The following RFTN1 variants were observed in gnomAD, a reference collection of about 807,000 sequenced individuals.
RFTN1 encodes the protein raftlin.
In RFTN1, 26 loss-of-function variants were observed where a neutral mutation model predicts 46.5. The ratio of observed to expected loss-of-function variants is 0.56; its 90% confidence interval spans 0.41 to 0.78. The LOEUF (loss-of-function observed/expected upper bound fraction) is 0.78. Ranked by LOEUF, RFTN1 falls within the 30% of genes least tolerant of loss-of-function variation. The probability of loss-of-function intolerance (pLI) is 0.00; values close to 1 mark genes in which losing one functional copy is unlikely to be tolerated. For missense variants in RFTN1, 693 were observed against 718.7 expected, an observed-to-expected ratio of 0.96 and a Z score of 0.41; for synonymous variants, 261 against 284.2, an observed-to-expected ratio of 0.92 and a Z score of 0.82.
intron 2 of RFTN1, among the ~76,000 whole-genome samples, chr3:16,435,922 AT>A (rs1250716471): frequency 2.3e-5 from 2 of 88,050 alleles, no homozygotes; most frequent in African/African-American, 8.5e-5. Flanking sequence ...ATGTAAATAT[AT>A]ATATATATAT....
intron 7 of RFTN1, among the ~76,000 whole-genome samples, chr3:16,330,248 C>G (rs1053471605): frequency 6.6e-6 from 1 of 152,208 alleles, no homozygotes; most frequent in Non-Finnish European, 1.5e-5. Flanking sequence ...ATGTTGCACT[C>G]TGCCAGACTC....
At chr3:16,444,155 G>A (rs1326421520) in intron 2 of RFTN1, among the ~76,000 whole-genome samples, 1 of 152,198 alleles carries the variant, frequency 6.6e-6, no homozygotes, top group Non-Finnish European at 1.5e-5. Context: ...AGCTTTTTGT[G>A]AGTCAGAAGA....
intron 2 of RFTN1, among the ~76,000 whole-genome samples, chr3:16,493,517 A>G (rs1403234613): frequency 6.6e-6 from 1 of 152,100 alleles, no homozygotes; most frequent in Non-Finnish European, 1.5e-5. Context: ...ACAGGCGTGA[A>G]CCACTGTGCC....
At chr3:16,482,686 C>A (rs2076387120) in intron 2 of RFTN1, 2 of 1,261,556 alleles carry the variant, frequency 1.6e-6, no homozygotes, top group Non-Finnish European at 2.2e-6. Context: ...CACTGAGCAC[C>A]ATGCATGCCA....
At chr3:16,510,671 G>T (rs2076882560) in intron 1 of RFTN1, among the ~76,000 whole-genome samples, 1 of 152,164 alleles carries the variant, frequency 6.6e-6, no homozygotes, top group African/African-American at 2.4e-5. Flanking sequence ...ATTCTTTGCT[G>T]GTGAGACTGT....
intron 3 of RFTN1, among the ~76,000 whole-genome samples, chr3:16,409,994 ATTT>A (rs11317679): frequency 9.5e-5 from 14 of 147,358 alleles, no homozygotes; most frequent in South Asian, 4.3e-4. Context: ...GACGCAGAAT[ATTT>A]TTTTTTTTTT....
intron 7 of RFTN1, among the ~76,000 whole-genome samples, chr3:16,354,425 G>A (rs569487736): frequency 1.1e-4 from 16 of 152,328 alleles, no homozygotes; most frequent in East Asian, 1.9e-4. Context: ...GCCTGACTGC[G>A]TGGAGCAGAA....
intron 3 of RFTN1, among the ~76,000 whole-genome samples, chr3:16,420,144 G>A (rs2075157521): frequency 6.6e-6 from 1 of 152,168 alleles, no homozygotes; most frequent in African/African-American, 2.4e-5. Context: ...AGACCAAGAG[G>A]AAAACAGACA....
At position 16,345,352 on chromosome 3, in the gene RFTN1, G is replaced by GA. The variant is rs2071582405; in HGVS notation, c.1146+12579dup. The GA allele has an allele frequency of 6.6e-6, 1 of 151,060 alleles. No individual in the cohort carries two copies. The highest frequency in any genetic ancestry group is 1.5e-5 in the Non-Finnish European group (1 of 67,960). 9.4% of individuals were successfully genotyped at this position (151,060 alleles called of 1,614,324 possible). ...CACTTTTTTATCTCAAACACATTGG[G>GA]AAAACCTAAAGATATAGCCCCTGTT... is the stretch of plus-strand genomic sequence containing the variant. On this transcript the variant is annotated intron_variant, in intron 7 of 9. Coordinates refer to ENST00000334133, the MANE Select transcript of RFTN1 (RefSeq NM_015150.2). The surrounding 1 kb of genome is among the most constrained non-coding windows in gnomAD (Gnocchi z 5.2).
At chr3:16,432,395 G>A (rs890838146) in intron 3 of RFTN1, among the ~76,000 whole-genome samples, 1 of 152,168 alleles carries the variant, frequency 6.6e-6, no homozygotes. Flanking sequence ...GCGTGCACCT[G>A]TAGTCCCAGT....
intron 2 of RFTN1, among the ~76,000 whole-genome samples, chr3:16,438,439 G>C (rs1388299042): frequency 6.6e-6 from 1 of 151,792 alleles, no homozygotes; most frequent in Non-Finnish European, 1.5e-5. Flanking sequence ...ACAAAAATTA[G>C]CTGCGCATGT....
In RFTN1 at chr3:16,365,189, G is replaced by A. The variant is rs188131856; in HGVS notation, c.1030+4887C>T. Among the ~76,000 whole-genome samples, 48 of 152,240 alleles carry A rather than the reference G, an allele frequency of 3.2e-4. 1 individual carries two copies. In the East Asian group the frequency reaches 9.3e-3, roughly 29 times the overall value. ...CCTGGAGGTGGGTGGTGTCCCAAGGGAGTGGCTATCAGAAACACCTGGTAC... is the reference window on the plus strand; with the variant it reads ...CCTGGAGGTGGGTGGTGTCCCAAGGAAGTGGCTATCAGAAACACCTGGTAC... On this transcript the variant is annotated intron_variant, in intron 6 of 9. Transcript: ENST00000334133.
Position 16,371,433 on chromosome 3 carries a change from GT to G in RFTN1, c.827-1155del, listed in dbSNP as rs1425011490. ...CATTTTTTTAGAAAAAGGAAACTTT[GT>G]TTCATGACTATGAAGGCAGTCCGCT... On this transcript the variant is annotated intron_variant, in intron 5 of 9. Coordinates refer to ENST00000334133, the MANE Select transcript of RFTN1 (RefSeq NM_015150.2). Among the ~76,000 whole-genome samples the G allele has an allele frequency of 4.6e-5, 7 of 152,310 alleles. No homozygotes were observed. In the East Asian group the frequency reaches 1.2e-3, roughly 25 times the overall value.
intron 4 of RFTN1, among the ~76,000 whole-genome samples, chr3:16,396,789 G>A (rs1004263918): frequency 6.6e-5 from 10 of 152,156 alleles, no homozygotes; most frequent in Non-Finnish European, 1.2e-4. Context: ...AGGACTGAGC[G>A]CAGTGGCTCA....
chr3:16,503,696 T>C (rs2076751821), intron 1 of RFTN1, among the ~76,000 whole-genome samples: 1 of 152,030 alleles, frequency 6.6e-6, no homozygotes, highest in African/African-American at 2.4e-5. Flanking sequence ...TCCCTCAATC[T>C]CTTGAATCTC....
rs1347216331 is a variant in RFTN1 at position 16,341,172 on chromosome 3, T to A, written c.1147-14296A>T. ...TGACAATACTTAATGCCGGTGAGGATGTGGAACAACAGCAACTCTCGTTCA... is the reference window on the plus strand; with the variant it reads ...TGACAATACTTAATGCCGGTGAGGAAGTGGAACAACAGCAACTCTCGTTCA... On this transcript the variant is annotated intron_variant, in intron 7 of 9. Coordinates refer to ENST00000334133, the MANE Select transcript of RFTN1 (RefSeq NM_015150.2). This position sits in a 1 kb window ranked among gnomAD's most constrained non-coding sequence, Gnocchi z 4.7. Among the ~76,000 whole-genome samples, 10 of 152,196 alleles carry A rather than the reference T, an allele frequency of 6.6e-5. No homozygotes were observed.
rs1285028278 is a variant in RFTN1 at position 16,337,306 on chromosome 3, G to GT, written c.1147-10431dup. 2.0e-5 allele frequency: 3 copies of GT among 152,236 alleles called. No individual in the cohort carries two copies. Among genetic ancestry groups the GT allele is most frequent in the Admixed American group, 1.3e-4 (2 of 15,288 alleles). The allele number at this position is 152,236 out of a possible 1,614,324, so 9.4% of individuals were successfully genotyped here. A position where few individuals can be genotyped will look rare whatever the true frequency, so the allele number is the denominator to read the frequency against. ...GAAGGAAAAATCACCCAGCTGACCT[G>GT]TTTGGGTTATGATTTTAACTCACTA... On this transcript the variant is annotated intron_variant, in intron 7 of 9. Transcript: ENST00000334133. The surrounding 1 kb of genome is among the most constrained non-coding windows in gnomAD (Gnocchi z 5.0).
intron 3 of RFTN1, among the ~76,000 whole-genome samples, chr3:16,431,984 A>G (rs1349656590): frequency 6.6e-6 from 1 of 152,120 alleles, no homozygotes; most frequent in Non-Finnish European, 1.5e-5. Context: ...GACCTTGACA[A>G]CTCAACATTT....
Position 16,335,440 on chromosome 3 carries a change from G to T in RFTN1, c.1147-8564C>A, listed in dbSNP as rs775057057. On this transcript the variant is annotated intron_variant, in intron 7 of 9. Coordinates refer to ENST00000334133, the MANE Select transcript of RFTN1 (RefSeq NM_015150.2). The surrounding 1 kb of genome is among the most constrained non-coding windows in gnomAD (Gnocchi z 4.7). ...CATAATGCTATGCAGCCTTAAAAAG[G>T]AACGAATCACGTCCTTTGTGGGGAC... Among the ~76,000 whole-genome samples the T allele has an allele frequency of 1.4e-4, 22 of 152,210 alleles. No individual in the cohort carries two copies. The highest frequency in any genetic ancestry group is 2.8e-4 in the Non-Finnish European group (19 of 68,040).
Sources: gnomAD v4.1 joint callset for allele counts (sites outside exome capture counted in the v4.1 genomes callset) on GRCh38, gnomAD v4.1.1 for gene constraint, Gnocchi (gnomAD v3.1) non-coding constraint, MANE v1.5 for transcripts, NCBI Gene and HGNC (gene_info 2026-07-23, HGNC 2026-07-21) for gene names.